Variants in NBEAL1 observed in about 807,000 individuals in gnomAD.
NBEAL1 encodes the protein neurobeachin like 1.
In NBEAL1, 273 loss-of-function variants were observed where a neutral mutation model predicts 351.3. That is an observed-to-expected ratio of 0.78 (90% CI 0.70 to 0.86). The LOEUF (loss-of-function observed/expected upper bound fraction) is 0.86, where lower values mean the gene tolerates loss of function less well. Ranked by LOEUF, NBEAL1 falls within the 40% of genes least tolerant of loss-of-function variation. The pLI, the probability that NBEAL1 is intolerant of heterozygous loss-of-function variation, is 0.00. For missense variants in NBEAL1, 2,961 were observed against 3,201.3 expected, an observed-to-expected ratio of 0.92 and a Z score of 1.81; for synonymous variants, 1,050 against 1,086.4, an observed-to-expected ratio of 0.97 and a Z score of 0.66.
intron 3 of NBEAL1, among the ~76,000 whole-genome samples, chr2:203,049,486 A>AATT (rs1302887901): frequency 1.3e-5 from 2 of 152,320 alleles, no homozygotes; most frequent in East Asian, 3.9e-4. Flanking sequence ...AGTGGAACAT[A>AATT]ATTTATTCTA....
chr2:203,017,483 G>C (rs1409490188), intron 2 of NBEAL1, among the ~76,000 whole-genome samples: 1 of 152,080 alleles, frequency 6.6e-6, no homozygotes, highest in East Asian at 1.9e-4. Context: ...ATAGCTTTTA[G>C]TCTTGCATAA....
In NBEAL1 at chr2:203,084,404, T is replaced by C. The variant is rs2061927619; in HGVS notation, c.992-59T>C. On this transcript the variant is annotated intron_variant, in intron 9 of 55. Transcript: ENST00000683969. ...TAAAAAGAAAAATGATTAGAGTAAA[T>C]GTTTGTATGATCCCAAATTTTCATT... 3.7e-6 allele frequency: 3 copies of C among 821,750 alleles called. No homozygotes were observed. The East Asian group carries it at 9.3e-5, about 26-fold the overall frequency. 50.9% of individuals were successfully genotyped at this position (821,750 alleles called of 1,614,324 possible).
intron 6 of NBEAL1, among the ~76,000 whole-genome samples, chr2:203,065,624 C>T (rs566142157): frequency 4.3e-4 from 66 of 152,074 alleles, no homozygotes; most frequent in African/African-American, 1.0e-3. Context: ...TGGTGGCGGG[C>T]GCCTGTAGTC....
intron 18 of NBEAL1, among the ~76,000 whole-genome samples, chr2:203,120,730 G>GC (rs965251548): frequency 3.3e-5 from 5 of 152,142 alleles, no homozygotes; most frequent in Admixed American, 2.6e-4. Context: ...ATGGTCTTAA[G>GC]CTGCAGTGTG....
At chr2:203,031,796 A>C (rs968681585) in intron 2 of NBEAL1, among the ~76,000 whole-genome samples, 2 of 152,236 alleles carry the variant, frequency 1.3e-5, no homozygotes, top group African/African-American at 4.8e-5. Context: ...ATATGTTAGA[A>C]ATAAAAAAGA....
chr2:203,095,536 C>A (rs901239959), intron 10 of NBEAL1, among the ~76,000 whole-genome samples: 2 of 152,102 alleles, frequency 1.3e-5, no homozygotes, highest in African/African-American at 4.8e-5. Context: ...GGTGATCCGC[C>A]CGCCTCAGCC....
In NBEAL1 at chr2:203,145,159, A is replaced by G; in HGVS notation, c.5303A>G (p.Gln1768Arg). Reference sequence around the variant, plus strand: ...GGAGGGGAAAGCAAGCTCAAATTTCAGGTAAAAAGTAAATGTTTTAATATC... The same window carrying G: ...GGAGGGGAAAGCAAGCTCAAATTTCGGGTAAAAAGTAAATGTTTTAATATC... ...REGGESKLKF[Q>R]ELFVEPFNRK... The change falls in exon 33 of 56, where the codon CAG (glutamine) becomes CGG (arginine). Residue 1768 changes from glutamine to arginine, a missense_variant and splice_region_variant. Transcript: ENST00000683969. 1.2e-6 allele frequency: 2 copies of G among 1,603,046 alleles called. No individual in the cohort carries two copies. The highest frequency in any genetic ancestry group is 1.1e-5 in the South Asian group (1 of 88,202).
chr2:203,171,502 G>A (rs999008813), intron 39 of NBEAL1, among the ~76,000 whole-genome samples: 4 of 152,008 alleles, frequency 2.6e-5, no homozygotes, highest in African/African-American at 9.7e-5. Context: ...CTACTTGGGA[G>A]GCTAAGCCAG....
chr2:203,157,337 A>G (rs1419206876), intron 35 of NBEAL1, among the ~76,000 whole-genome samples: 4 of 152,168 alleles, frequency 2.6e-5, no homozygotes, highest in Non-Finnish European at 5.9e-5. Context: ...AATGCACAGT[A>G]AAAATGGTTC....
rs369728513 is a variant in NBEAL1, at chr2:203,224,795, A to G, written c.*7441A>G. On this transcript the variant is annotated 3_prime_UTR_variant, in exon 56 of 56. Transcript: ENST00000683969. ...CTGTGCAAACTGTGACTCAGTGGAT[A>G]TTTGTATGCCCCCCAAAAACATTTT... 1.3e-5 allele frequency among the ~76,000 whole-genome samples: 2 copies of G among 152,280 alleles called. No individual in the cohort carries two copies. Among genetic ancestry groups the G allele is most frequent in the Admixed American group, 6.5e-5 (1 of 15,298 alleles).
rs574817964 is a variant in NBEAL1, at chr2:203,097,113, T to C, written c.1099-434T>C. Among the ~76,000 whole-genome samples the C allele has an allele frequency of 6.6e-5, 10 of 152,236 alleles. No homozygotes were observed. The East Asian group carries it at 1.9e-3, about 29-fold the overall frequency. On this transcript the variant is annotated intron_variant, in intron 10 of 55. Transcript: ENST00000683969. ...AGAGATTGTGCAGGGAAACTTCCCT[T>C]TATAAAACCATCAGATCTAATGAGA...
intron 39 of NBEAL1, 56 bp downstream of exon 39, chr2:203,169,907 C>G: frequency 9.5e-7 from 1 of 1,057,214 alleles, no homozygotes; most frequent in Non-Finnish European, 1.4e-6. Context: ...TTAAGTAAAA[C>G]TTGACTTCTT....
At chr2:203,183,554 C>A (rs1559045481) in intron 44 of NBEAL1, among the ~76,000 whole-genome samples, 166 bp downstream of exon 44, 1 of 151,852 alleles carries the variant, frequency 6.6e-6, no homozygotes, top group African/African-American at 2.4e-5. Flanking sequence ...GGATATGAAT[C>A]TTCTGATATA....
chr2:203,192,740 TA>T (rs1392086134), intron 46 of NBEAL1, among the ~76,000 whole-genome samples: 2 of 152,088 alleles, frequency 1.3e-5, no homozygotes, highest in African/African-American at 4.8e-5. Flanking sequence ...CTATAATCAA[TA>T]TTTTTTTGTA....
chr2:203,138,866 A>G (rs2063291935), intron 31 of NBEAL1, 118 bp downstream of exon 31: 1 of 991,700 alleles, frequency 1.0e-6, no homozygotes, highest in Admixed American at 2.9e-5. Context: ...TTCTAAAAGT[A>G]TCCATGATTT....
rs2060651900 is a variant in NBEAL1, at chr2:203,014,962, G to C, written c.-250G>C. On this transcript the variant is annotated 5_prime_UTR_variant, in exon 1 of 56. Transcript: ENST00000683969. ...AGCAGTTAGACGGCTGCCGGGCGGC[G>C]GCTGCCGCGCGGCACACAATGTGAG... 1 of 152,268 alleles carries C rather than the reference G, an allele frequency of 6.6e-6. No individual in the cohort carries two copies. The highest frequency in any genetic ancestry group is 2.4e-5 in the African/African-American group (1 of 41,450). The allele number at this position is 152,268 out of a possible 1,614,324, so 9.4% of individuals were successfully genotyped here.
At chr2:203,064,259 G>A (rs1191865780) in intron 6 of NBEAL1, among the ~76,000 whole-genome samples, 2 of 152,066 alleles carry the variant, frequency 1.3e-5, no homozygotes, top group African/African-American at 4.8e-5. Flanking sequence ...CACCATGTTG[G>A]CCAGACTGGT....
At chr2:203,071,100 G>A (rs1278001707) in intron 7 of NBEAL1, among the ~76,000 whole-genome samples, 1 of 152,044 alleles carries the variant, frequency 6.6e-6, no homozygotes, top group Non-Finnish European at 1.5e-5. Flanking sequence ...AAAATTTTGT[G>A]TCTCTGTTCA....
chr2:203,128,642 G>A (rs1336165995), intron 24 of NBEAL1, among the ~76,000 whole-genome samples: 1 of 142,122 alleles, frequency 7.0e-6, no homozygotes, highest in African/African-American at 2.6e-5. Context: ...TCTGTCACCA[G>A]GCTGGAGTGC....
Sources: allele counts gnomAD v4.1 joint callset (sites outside exome capture counted in the v4.1 genomes callset), GRCh38; gene constraint gnomAD v4.1.1; transcripts MANE v1.5; gene names NCBI Gene and HGNC (gene_info 2026-07-23, HGNC 2026-07-21).